The following PTPRT variants were observed in gnomAD, a reference collection of about 807,000 sequenced individuals.
PTPRT encodes the protein receptor-type tyrosine-protein phosphatase T.
Under a neutral mutation model 176.8 loss-of-function variants are expected in PTPRT, and 56 were observed. That is an observed-to-expected ratio of 0.32 (90% CI 0.26 to 0.40). The LOEUF is 0.40. Ranked by LOEUF, PTPRT falls within the 10% of genes least tolerant of loss-of-function variation. The probability of loss-of-function intolerance (pLI) is 1.00; values close to 1 mark genes in which losing one functional copy is unlikely to be tolerated. For missense variants in PTPRT, 1,540 were observed against 1,908.2 expected (o/e 0.81, Z 3.60); for synonymous variants, 783 against 739.0 (o/e 1.06, Z -0.96).
chr20:42,683,852 C>T (rs532992520), intron 6 of PTPRT, among the ~76,000 whole-genome samples: 1 of 152,234 alleles, frequency 6.6e-6, no homozygotes, highest in South Asian at 2.1e-4. Context: ...TTTATTTTAC[C>T]TTGACAATGA....
At chr20:42,280,111 A>G (rs2057114079) in intron 13 of PTPRT, among the ~76,000 whole-genome samples, 1 of 151,510 alleles carries the variant, frequency 6.6e-6, no homozygotes, top group Non-Finnish European at 1.5e-5. Flanking sequence ...AGGAAATTTG[A>G]TCCGGGTGGT....
intron 17 of PTPRT, among the ~76,000 whole-genome samples, chr20:42,155,921 G>A (rs776146974): frequency 7.2e-5 from 11 of 152,132 alleles, no homozygotes; most frequent in Non-Finnish European, 1.3e-4. Context: ...GGCTCCAGTG[G>A]CTTCTTGATT....
intron 1 of PTPRT, among the ~76,000 whole-genome samples, chr20:43,056,761 A>G (rs572904049): frequency 6.6e-6 from 1 of 152,202 alleles, no homozygotes; most frequent in Non-Finnish European, 1.5e-5. Flanking sequence ...TTAACAAATC[A>G]AATAATAAAA....
intron 27 of PTPRT, 64 bp downstream of exon 27, chr20:42,098,357 C>G (rs1985499529): frequency 6.3e-7 from 1 of 1,591,160 alleles, no homozygotes; most frequent in South Asian, 1.1e-5. Context: ...GTCAAGGGAT[C>G]TCCCTCCAGG....
At chr20:42,769,876 CT>C (rs2077037623) in intron 5 of PTPRT, among the ~76,000 whole-genome samples, 1 of 152,208 alleles carries the variant, frequency 6.6e-6, no homozygotes, top group South Asian at 2.1e-4. Context: ...ATACCGCATG[CT>C]TCCATTTATA....
intron 1 of PTPRT, among the ~76,000 whole-genome samples, chr20:43,108,609 A>G (rs2012718799): frequency 6.6e-6 from 1 of 152,156 alleles, no homozygotes; most frequent in Non-Finnish European, 1.5e-5. Flanking sequence ...TCTGCCCCTC[A>G]AAGGTCTTCT....
At chr20:42,320,753 C>T (rs182608303) in intron 11 of PTPRT, among the ~76,000 whole-genome samples, 2 of 152,036 alleles carry the variant, frequency 1.3e-5, no homozygotes, top group Admixed American at 1.3e-4. Context: ...ATAAATTATA[C>T]CCCCAGCATT....
At chr20:42,663,375 G>A (rs544034459) in intron 7 of PTPRT, among the ~76,000 whole-genome samples, 3 of 152,156 alleles carry the variant, frequency 2.0e-5, no homozygotes, top group Admixed American at 2.0e-4. Context: ...TCTATGCTGG[G>A]CAGGACGGCA....
At chr20:42,085,666 C>T (rs1347938242) in intron 28 of PTPRT, 62 bp downstream of exon 28, 6 of 1,601,938 alleles carry the variant, frequency 3.7e-6, no homozygotes, top group East Asian at 2.2e-5. Flanking sequence ...GATCCTCTCT[C>T]GGCAGCCTCC....
At position 42,110,289 on chromosome 20, in the gene PTPRT, A is replaced by T. The variant is rs1986891905; in HGVS notation, c.3254+44T>A. 1.9e-6 allele frequency: 3 copies of T among 1,548,558 alleles called. No homozygotes were observed. In the African/African-American group the frequency reaches 4.1e-5, roughly 21 times the overall value. ...CTGGTCTCGAACTCCTGACCTCGTG[A>T]TCTGCCCGCCTCGGCCTCCCAAGGT... On this transcript the variant is annotated intron_variant, in intron 23 of 30. Coordinates refer to ENST00000373187, the MANE Select transcript of PTPRT (RefSeq NM_007050.6).
At chr20:42,180,596 C>A (rs1158273478) in intron 16 of PTPRT, among the ~76,000 whole-genome samples, 1 of 152,148 alleles carries the variant, frequency 6.6e-6, no homozygotes, top group East Asian at 1.9e-4. Context: ...TTTCTGTATT[C>A]TTCACTGATG....
Position 42,616,065 on chromosome 20 carries a change from T to C in PTPRT, c.1153+61801A>G, listed in dbSNP as rs200678386. ...AGGTTTTCTCCTAGGGTTTTTATGG[T>C]TTTAGGTCTAACGTTTAAATCTTTA... On this transcript the variant is annotated intron_variant, in intron 7 of 30. Transcript: ENST00000373187. Among the ~76,000 whole-genome samples, 262 of 131,470 alleles carry C rather than the reference T, an allele frequency of 2.0e-3. 9 individuals carry two copies. The East Asian group carries it at 0.044, about 22-fold the overall frequency. The allele number at this position is 131,470 out of a possible 152,430, so 86.2% of individuals were successfully genotyped here.
intron 1 of PTPRT, among the ~76,000 whole-genome samples, chr20:42,896,795 C>A (rs1345200849): frequency 1.3e-5 from 2 of 152,100 alleles, no homozygotes; most frequent in Non-Finnish European, 2.9e-5. Context: ...ATACCTCAAC[C>A]CCCAAATCAT....
chr20:42,937,312 T>C (rs1980249651), intron 1 of PTPRT, among the ~76,000 whole-genome samples: 1 of 152,164 alleles, frequency 6.6e-6, no homozygotes, highest in Non-Finnish European at 1.5e-5. Flanking sequence ...ACTGTGGCTC[T>C]CAAGCTCCTT....
At chr20:42,950,069 T>C (rs1447668682) in intron 1 of PTPRT, among the ~76,000 whole-genome samples, 3 of 152,194 alleles carry the variant, frequency 2.0e-5, no homozygotes, top group African/African-American at 7.2e-5. Context: ...AAAGCGGTAC[T>C]GCAAGTGTTA....
At chr20:42,778,378 A>G (rs2077166973) in intron 4 of PTPRT, among the ~76,000 whole-genome samples, 1 of 152,164 alleles carries the variant, frequency 6.6e-6, no homozygotes. Context: ...GAAAATTCCC[A>G]TTAGAGCACA....
At chr20:42,426,360 C>A (rs756079020) in intron 9 of PTPRT, among the ~76,000 whole-genome samples, 1 of 152,096 alleles carries the variant, frequency 6.6e-6, no homozygotes, top group Non-Finnish European at 1.5e-5. Context: ...TGGGGATGTT[C>A]AGAGAGGAAA....
chr20:42,413,745 T>C (rs1000469636), intron 9 of PTPRT, among the ~76,000 whole-genome samples: 9 of 152,160 alleles, frequency 5.9e-5, no homozygotes, highest in African/African-American at 2.2e-4. Context: ...TACAAGGCAT[T>C]CAAACCTCAC....
chr20:42,303,412 G>A (rs1568755808), intron 12 of PTPRT, among the ~76,000 whole-genome samples: 1 of 152,154 alleles, frequency 6.6e-6, no homozygotes, highest in Non-Finnish European at 1.5e-5. Context: ...GAGTGCATAA[G>A]GGATTTGGGA....
Sources: allele counts gnomAD v4.1 joint callset (sites outside exome capture counted in the v4.1 genomes callset), GRCh38; gene constraint gnomAD v4.1.1; transcripts MANE v1.5; gene names NCBI Gene and HGNC (gene_info 2026-07-23, HGNC 2026-07-21).